The following DNAH9 variants were observed in gnomAD, a reference collection of about 807,000 sequenced individuals.
The protein encoded by DNAH9 is dynein axonemal heavy chain 9, also known as DNAH9 variant protein.
A neutral mutation model predicts 471.6 loss-of-function variants in DNAH9; 345 were observed. That is an observed-to-expected ratio of 0.73 (90% CI 0.67 to 0.80). DNAH9 has a LOEUF of 0.80. Among genes scored for constraint, DNAH9 ranks in the 30% least tolerant of loss-of-function variants. The pLI, the probability that DNAH9 is intolerant of heterozygous loss-of-function variation, is 0.00. For synonymous variants in DNAH9, 2,093 were observed against 2,123.6 expected, an observed-to-expected ratio of 0.99 and a Z score of 0.40; for missense variants, 5,407 against 5,609.2, an observed-to-expected ratio of 0.96 and a Z score of 1.15.
At chr17:11,956,311 G>C (rs1975637628) in intron 67 of DNAH9, among the ~76,000 whole-genome samples, 1 of 151,990 alleles carries the variant, frequency 6.6e-6, no homozygotes. Context: ...AAGTGTATAG[G>C]CACCTCATAA....
intron 27 of DNAH9, 33 bp downstream of exon 27, chr17:11,719,523 G>T: frequency 6.3e-7 from 1 of 1,585,038 alleles, no homozygotes. Flanking sequence ...GGGGGTGGGG[G>T]TGGGGGATAG....
At position 11,623,118 on chromosome 17, in the gene DNAH9, CAT is replaced by C. The variant is rs2072905350; in HGVS notation, c.1350+3338_1350+3339del. ...CCTCCCAAGTAGCTGGGATTACAGGCATGTGCCACCATGCCTGGTTAATTTTT... is the reference window on the plus strand; with the variant it reads ...CCTCCCAAGTAGCTGGGATTACAGGCGTGCCACCATGCCTGGTTAATTTTT... On this transcript the variant is annotated intron_variant, in intron 6 of 68. Coordinates refer to ENST00000262442, the MANE Select transcript of DNAH9 (RefSeq NM_001372.4). The surrounding 1 kb of genome is among the most constrained non-coding windows in gnomAD (Gnocchi z 4.1). 6.6e-6 allele frequency among the ~76,000 whole-genome samples: 1 copy of C among 151,890 alleles called. No homozygotes were observed. The highest frequency in any genetic ancestry group is 6.6e-5 in the Admixed American group (1 of 15,234).
intron 44 of DNAH9, 80 bp downstream of exon 44, chr17:11,807,974 C>G: frequency 1.4e-6 from 2 of 1,465,056 alleles, no homozygotes; most frequent in Non-Finnish European, 1.8e-6. Context: ...CACTCGTTCT[C>G]CAGTTCCCCT....
chr17:11,954,241 A>AG (rs1002373388), intron 67 of DNAH9, among the ~76,000 whole-genome samples: 39 of 151,086 alleles, frequency 2.6e-4, no homozygotes, highest in East Asian at 1.4e-3. Flanking sequence ...TTGATGGGGA[A>AG]GGGGGGGGCC....
chr17:11,858,555 T>G (rs932907583), intron 50 of DNAH9, among the ~76,000 whole-genome samples: 4 of 152,310 alleles, frequency 2.6e-5, no homozygotes, highest in African/African-American at 9.6e-5. Flanking sequence ...AACTTCTATT[T>G]TTTTCAACAC....
chr17:11,644,824 C>G (rs975597624), intron 11 of DNAH9, 125 bp downstream of exon 11: 21 of 684,056 alleles, frequency 3.1e-5, no homozygotes, highest in Non-Finnish European at 5.2e-5. Flanking sequence ...TATGTTATAA[C>G]CACGATATTT....
intron 67 of DNAH9, among the ~76,000 whole-genome samples, chr17:11,957,844 TA>T (rs1208716966): frequency 1.3e-5 from 2 of 152,216 alleles, no homozygotes; most frequent in Non-Finnish European, 2.9e-5. Flanking sequence ...CTATTACCAT[TA>T]GGGGAGACCA....
At chr17:11,764,103 G>C (rs774137014) in intron 36 of DNAH9, among the ~76,000 whole-genome samples, 3 of 152,166 alleles carry the variant, frequency 2.0e-5, no homozygotes, top group Admixed American at 6.6e-5. Context: ...TCCAGAGAAG[G>C]CTGGACCAAA....
intron 16 of DNAH9, 44 bp from the exon 17 acceptor site, chr17:11,669,326 C>T (rs959757588): frequency 6.3e-7 from 1 of 1,596,012 alleles, no homozygotes; most frequent in African/African-American, 1.3e-5. Context: ...GAACTTCCTG[C>T]CACACACTGG....
chr17:11,677,641 A>G (rs1464220154), intron 17 of DNAH9, among the ~76,000 whole-genome samples: 1 of 152,190 alleles, frequency 6.6e-6, no homozygotes, highest in Non-Finnish European at 1.5e-5. Flanking sequence ...TGATCGTGGT[A>G]CATTTTAATT....
At chr17:11,938,811 C>T (rs1419710303) in intron 66 of DNAH9, among the ~76,000 whole-genome samples, 1 of 152,074 alleles carries the variant, frequency 6.6e-6, no homozygotes. Context: ...GTTGCCTAGG[C>T]TAGTCTTGAA....
At chr17:11,865,891 C>T (rs1219047617) in intron 50 of DNAH9, among the ~76,000 whole-genome samples, 1 of 152,178 alleles carries the variant, frequency 6.6e-6, no homozygotes, top group African/African-American at 2.4e-5. Flanking sequence ...AAGCACTTCT[C>T]TGTATTGGTT....
chr17:11,928,047 AACT>A (rs1173785836), intron 62 of DNAH9, among the ~76,000 whole-genome samples: 2 of 152,206 alleles, frequency 1.3e-5, no homozygotes, highest in African/African-American at 4.8e-5. Context: ...TCATCTCAAC[AACT>A]ACTACTATCC....
chr17:11,922,610 A>G (rs1974173045), intron 61 of DNAH9, among the ~76,000 whole-genome samples: 2 of 152,208 alleles, frequency 1.3e-5, no homozygotes, highest in Non-Finnish European at 2.9e-5. Context: ...CATCTGCAAC[A>G]CCAGCAACCC....
At chr17:11,753,382 A>AT (rs376045132) in intron 33 of DNAH9, among the ~76,000 whole-genome samples, 1,884 of 152,220 alleles carry the variant, frequency 0.012, 41 homozygotes, top group African/African-American at 0.043. Flanking sequence ...AGGCTATTTT[A>AT]TTTTTTATAA....
intron 67 of DNAH9, among the ~76,000 whole-genome samples, chr17:11,956,665 T>C (rs1330125240): frequency 2.0e-5 from 3 of 152,030 alleles, no homozygotes. Flanking sequence ...AACAGAAAGA[T>C]ATCAGAAAAC....
intron 48 of DNAH9, among the ~76,000 whole-genome samples, chr17:11,831,993 T>C (rs544485402): frequency 6.6e-6 from 1 of 152,344 alleles, no homozygotes; most frequent in African/African-American, 2.4e-5. Context: ...GGGTCTCTTC[T>C]GTGTTTATGG....
rs758961770 is a variant in DNAH9 at position 11,797,825 on chromosome 17, G to A, written c.8420+32G>A. ...GTGCTTCTCCTCTTCCTTTTCCTCA[G>A]TTGCTTCCTCTTCCCAATGACAGGG... is the stretch of plus-strand genomic sequence containing the variant. On this transcript the variant is annotated intron_variant, in intron 43 of 68. Coordinates refer to ENST00000262442, the MANE Select transcript of DNAH9 (RefSeq NM_001372.4). 1.1e-5 allele frequency: 18 copies of A among 1,591,286 alleles called. No homozygotes were observed. The East Asian group carries it at 3.6e-4, about 32-fold the overall frequency.
chr17:11,816,886 C>T (rs1322483822), intron 45 of DNAH9, among the ~76,000 whole-genome samples: 3 of 152,156 alleles, frequency 2.0e-5, no homozygotes, highest in East Asian at 1.9e-4. Context: ...GGTGAAACCT[C>T]GTATCTACTA....
Sources: allele counts gnomAD v4.1 joint callset (sites outside exome capture counted in the v4.1 genomes callset), GRCh38; gene constraint gnomAD v4.1.1; non-coding constraint Gnocchi (gnomAD v3.1); transcripts MANE v1.5; gene names NCBI Gene and HGNC (gene_info 2026-07-23, HGNC 2026-07-21).